The following QKI variants were observed in gnomAD, a reference collection of about 807,000 sequenced individuals.
QKI encodes QKI, KH domain containing RNA binding.
In QKI, 10 loss-of-function variants were observed where a neutral mutation model predicts 39.0. The ratio of observed to expected loss-of-function variants is 0.26; its 90% CI spans 0.16 to 0.43. The LOEUF is 0.43. Among genes scored for constraint, QKI ranks in the 20% least tolerant of loss-of-function variants. The probability of loss-of-function intolerance (pLI) is 1.00; values close to 1 mark genes in which losing one functional copy is unlikely to be tolerated. For missense variants in QKI, 218 were observed against 428.0 expected (o/e 0.51, Z 4.33); for synonymous variants, 204 against 155.4 (o/e 1.31, Z -2.33).
intron 4 of QKI, 146 bp from the exon 5 acceptor site, chr6:163,561,836 C>A (rs1783036801): frequency 2.0e-6 from 1 of 507,288 alleles, no homozygotes; most frequent in East Asian, 3.3e-5. Context: ...TATGTTAGCA[C>A]CTTTTGGTTC....
At chr6:163,517,094 T>TCTCTCTAG (rs1779872689) in intron 3 of QKI, among the ~76,000 whole-genome samples, 1 of 149,430 alleles carries the variant, frequency 6.7e-6, no homozygotes, top group African/African-American at 2.6e-5. Context: ...TCTCTCTCTC[T>TCTCTCTAG]CTCTCTCTAG....
chr6:163,521,819 C>A (rs1002890657), intron 3 of QKI, among the ~76,000 whole-genome samples: 4 of 152,038 alleles, frequency 2.6e-5, no homozygotes, highest in Admixed American at 2.0e-4. Context: ...CCATGCCAGG[C>A]CTGTATTTTT....
At chr6:163,565,869 G>A (rs1783333540) in intron 6 of QKI, 1 of 1,591,240 alleles carries the variant, frequency 6.3e-7, no homozygotes, top group Non-Finnish European at 8.6e-7. Flanking sequence ...ATGTGTGTTG[G>A]TAGTAGTGAG....
intron 3 of QKI, among the ~76,000 whole-genome samples, chr6:163,510,602 G>T (rs1779388797): frequency 6.6e-6 from 1 of 151,932 alleles, no homozygotes; most frequent in Admixed American, 6.6e-5. Flanking sequence ...CTAGACACAG[G>T]TAAGTTGAAA....
intron 4 of QKI, among the ~76,000 whole-genome samples, chr6:163,548,942 G>A (rs1310040733): frequency 6.6e-6 from 1 of 152,152 alleles, no homozygotes; most frequent in African/African-American, 2.4e-5. Context: ...TGACTAGAAG[G>A]TATCGTTTGT....
chr6:163,435,668 A>G (rs1160252570), intron 1 of QKI, among the ~76,000 whole-genome samples: 1 of 152,156 alleles, frequency 6.6e-6, no homozygotes, highest in African/African-American at 2.4e-5. Flanking sequence ...GGTTTTTAAC[A>G]TTTTAGTAGA....
At chr6:163,524,863 G>A (rs1011021477) in intron 3 of QKI, among the ~76,000 whole-genome samples, 4 of 151,990 alleles carry the variant, frequency 2.6e-5, no homozygotes, top group African/African-American at 4.8e-5. Flanking sequence ...TTAAATGACG[G>A]GTACTCGTCC....
chr6:163,529,257 C>A (rs1456535686), intron 3 of QKI, among the ~76,000 whole-genome samples: 1 of 152,168 alleles, frequency 6.6e-6, no homozygotes, highest in African/African-American at 2.4e-5. Flanking sequence ...TAAACAGGCA[C>A]AGTAATCATT....
Position 163,455,385 on chromosome 6 carries a change from A to G in QKI, c.249A>G (p.Gln83=), listed in dbSNP as rs773178231. 4.3e-6 allele frequency: 7 copies of G among 1,612,950 alleles called. No individual in the cohort carries two copies. The highest frequency in any genetic ancestry group is 1.1e-5 in the South Asian group (1 of 91,026). The change falls in exon 2 of 8, where the codon CAA becomes CAG. Residue 83 remains glutamine, a synonymous_variant. Coordinates refer to ENST00000361752, the MANE Select transcript of QKI (RefSeq NM_006775.3). ...CTGTGGGACCTATTGTTCAGTTACA[A>G]GAGAAACTTTATGTGCCTGTAAAAG... ...PDAVGPIVQL[Q]EKLYVPVKEY...
chr6:163,544,650 T>C (rs1177111157), intron 4 of QKI, among the ~76,000 whole-genome samples: 1 of 152,118 alleles, frequency 6.6e-6, no homozygotes, highest in Non-Finnish European at 1.5e-5. Context: ...ATTTTGAGAC[T>C]GTAAAATACT....
intron 1 of QKI, among the ~76,000 whole-genome samples, chr6:163,439,993 G>C (rs1694372366): frequency 6.6e-6 from 1 of 152,164 alleles, no homozygotes; most frequent in Admixed American, 6.5e-5. Context: ...AATATGGATG[G>C]TGAAAAGCTT....
chr6:163,437,777 T>C (rs1015485601), intron 1 of QKI, among the ~76,000 whole-genome samples: 2 of 152,208 alleles, frequency 1.3e-5, no homozygotes, highest in East Asian at 3.8e-4. Flanking sequence ...TCCAAACTTG[T>C]GTCAATATGT....
At chr6:163,451,805 G>A (rs557372086) in intron 1 of QKI, among the ~76,000 whole-genome samples, 30 of 152,254 alleles carry the variant, frequency 2.0e-4, no homozygotes, top group Admixed American at 7.8e-4. Flanking sequence ...TAGTTATGAA[G>A]CATTCCTATG....
chr6:163,473,123 G>GCTCC (rs1274892145), intron 2 of QKI, among the ~76,000 whole-genome samples: 3 of 152,158 alleles, frequency 2.0e-5, no homozygotes, highest in African/African-American at 7.2e-5. Context: ...CACTTGTTGA[G>GCTCC]CTCCTTAGTC....
intron 3 of QKI, among the ~76,000 whole-genome samples, chr6:163,516,350 A>G (rs1779798838): frequency 6.6e-6 from 1 of 152,114 alleles, no homozygotes; most frequent in Non-Finnish European, 1.5e-5. Context: ...GCTGGAGTGC[A>G]GTGGCATGAT....
At chr6:163,507,494 C>CA (rs941319919) in intron 3 of QKI, among the ~76,000 whole-genome samples, 2 of 152,138 alleles carry the variant, frequency 1.3e-5, no homozygotes, top group African/African-American at 2.4e-5. Context: ...TAGCCTGAGG[C>CA]AAAGCACATT....
At chr6:163,508,721 G>C (rs893234230) in intron 3 of QKI, among the ~76,000 whole-genome samples, 1 of 151,106 alleles carries the variant, frequency 6.6e-6, no homozygotes, top group African/African-American at 2.4e-5. Context: ...TAGAGATGGG[G>C]TTTCACCATG....
intron 3 of QKI, among the ~76,000 whole-genome samples, chr6:163,495,346 T>C (rs1356814865): frequency 6.6e-6 from 1 of 152,206 alleles, no homozygotes; most frequent in Non-Finnish European, 1.5e-5. Context: ...TAATTCAGTG[T>C]TCCTGGTGAC....
At chr6:163,531,869 C>CTGTA (rs1780875356) in intron 3 of QKI, among the ~76,000 whole-genome samples, 1 of 152,174 alleles carries the variant, frequency 6.6e-6, no homozygotes, top group African/African-American at 2.4e-5. Context: ...GTAAGTACAC[C>CTGTA]ATTCCATTAA....
Sources: gnomAD v4.1 joint callset for allele counts (sites outside exome capture counted in the v4.1 genomes callset) on GRCh38, gnomAD v4.1.1 for gene constraint, MANE v1.5 for transcripts, NCBI Gene and HGNC (gene_info 2026-07-23, HGNC 2026-07-21) for gene names.